EEA1: variants seen among roughly 807,000 people sequenced by gnomAD.
The protein encoded by EEA1 is early endosome antigen 1, 162kD.
EEA1 carries 111 observed loss-of-function variants against 209.2 expected under a neutral mutation model. The observed-to-expected ratio is 0.53, with a 90% CI of 0.45 to 0.62. The LOEUF (loss-of-function observed/expected upper bound fraction) is 0.62. EEA1 is among the 20% of genes least tolerant of loss of function. The pLI, the probability that EEA1 is intolerant of heterozygous loss-of-function variation, is 0.00. For synonymous variants in EEA1, 536 were observed against 540.6 expected (o/e 0.99, Z 0.12); for missense variants, 1,343 against 1,530.8 (o/e 0.88, Z 2.05).
intron 1 of EEA1, among the ~76,000 whole-genome samples, chr12:92,916,072 A>T (rs996763830): frequency 1.3e-5 from 2 of 152,216 alleles, no homozygotes; most frequent in Non-Finnish European, 2.9e-5. Flanking sequence ...GAATATAAGT[A>T]TTATTAAGTG....
At chr12:92,856,515 A>C (rs1877888229) in intron 5 of EEA1, among the ~76,000 whole-genome samples, 1 of 152,000 alleles carries the variant, frequency 6.6e-6, no homozygotes, top group Admixed American at 6.5e-5. Flanking sequence ...AAAACTTAAC[A>C]TTGTTAATAG....
Position 92,929,225 on chromosome 12 carries a change from T to G in EEA1, c.-159A>C. On this transcript the variant is annotated 5_prime_UTR_variant, in exon 1 of 29. Coordinates refer to ENST00000322349, the MANE Select transcript of EEA1 (RefSeq NM_003566.4). ...GACGGCCGCTCGGGCGGCCCCGACT[T>G]CCCCACAGGCGGCGAGAGGGAGCAC... is the stretch of plus-strand genomic sequence containing the variant. The G allele has an allele frequency of 2.0e-6, 1 of 498,454 alleles. No individual in the cohort carries two copies. Among genetic ancestry groups the G allele is most frequent in the Non-Finnish European group, 3.3e-6 (1 of 305,246 alleles). The allele number at this position is 498,454 out of a possible 1,614,324, so 30.9% of individuals were successfully genotyped here.
chr12:92,785,139 A>G lies in EEA1; in HGVS notation c.3150+2728T>C, dbSNP rs530410854. ...TATTTAATTCTAAATCTATTATCCT[A>G]GAATTTTCACTTCACTCAGGGTGTA... On this transcript the variant is annotated intron_variant, in intron 22 of 28. Transcript: ENST00000322349. Among the ~76,000 whole-genome samples, 39 of 152,266 alleles carry G rather than the reference A, an allele frequency of 2.6e-4. 1 individual carries two copies. In the Middle Eastern group the frequency reaches 0.02, roughly 80 times the overall value.
chr12:92,879,201 A>ATTTTTTTTTTTTTTTTTTTTT (rs34766702), intron 2 of EEA1: 2 of 234,004 alleles, frequency 8.5e-6, no homozygotes, highest in South Asian at 4.4e-5. Context: ...TGGATTCTGG[A>ATTTTTTTTTTTTTTTTTTTTT]TTTTTTTTTT....
intron 1 of EEA1, among the ~76,000 whole-genome samples, chr12:92,904,845 A>AT (rs1880304723): frequency 6.6e-6 from 1 of 152,224 alleles, no homozygotes; most frequent in African/African-American, 2.4e-5. Flanking sequence ...CCCTCCCAGC[A>AT]CATGAATGCA....
Position 92,828,586 on chromosome 12 carries a change from T to C in EEA1, c.1255-525A>G, listed in dbSNP as rs1411325721. The stretch of plus-strand genomic sequence containing the variant: ...AAATAAAATACAGGAAATGATCATA[T>C]ATATAGATATATATATGTGTACATA... On this transcript the variant is annotated intron_variant, in intron 11 of 28. Transcript: ENST00000322349. Among the ~76,000 whole-genome samples the C allele has an allele frequency of 6.8e-5, 10 of 147,610 alleles. 2 individuals carry two copies. In the South Asian group the frequency reaches 1.9e-3, roughly 28 times the overall value.
intron 9 of EEA1, among the ~76,000 whole-genome samples, chr12:92,848,576 T>C (rs1877475974): frequency 6.6e-5 from 10 of 152,018 alleles, no homozygotes; most frequent in Admixed American, 6.6e-4. Flanking sequence ...GAAATATAAA[T>C]TCATAAAACA....
intron 1 of EEA1, among the ~76,000 whole-genome samples, chr12:92,905,964 G>A (rs993310634): frequency 8.5e-5 from 13 of 152,188 alleles, no homozygotes; most frequent in African/African-American, 3.1e-4. Context: ...GAAGTGCAGT[G>A]GCACAATCAT....
intron 20 of EEA1, 88 bp from the exon 21 acceptor site, chr12:92,799,174 C>CTTCATTTG: frequency 8.5e-7 from 1 of 1,181,744 alleles, no homozygotes; most frequent in Non-Finnish European, 1.1e-6. Flanking sequence ...TCTATTTAGC[C>CTTCATTTG]TTCATTTGTT....
At chr12:92,803,347 A>G (rs892447736) in intron 18 of EEA1, among the ~76,000 whole-genome samples, 8 of 152,224 alleles carry the variant, frequency 5.3e-5, no homozygotes, top group South Asian at 2.1e-4. Context: ...TCTCTTATAC[A>G]TGAATGAAAA....
In EEA1 at chr12:92,809,012, C is replaced by T; in HGVS notation, c.2339+5G>A. On this transcript the variant is annotated splice_donor_5th_base_variant and intron_variant, in intron 18 of 28. Coordinates refer to ENST00000322349, the MANE Select transcript of EEA1 (RefSeq NM_003566.4). The stretch of plus-strand genomic sequence containing the variant: ...TTAATTTGTAAGTAAAGTGGTTTAG[C>T]TTACATTTCCTTCTCCATTTCAAGT... 1.3e-6 allele frequency: 2 copies of T among 1,584,180 alleles called. No individual in the cohort carries two copies. The highest frequency in any genetic ancestry group is 1.4e-5 in the African/African-American group (1 of 73,456).
chr12:92,779,726 A>G (rs1873822074), intron 24 of EEA1, among the ~76,000 whole-genome samples: 2 of 152,110 alleles, frequency 1.3e-5, no homozygotes, highest in South Asian at 4.1e-4. Flanking sequence ...TATAAACCAA[A>G]ATGAAAGTAT....
intron 1 of EEA1, among the ~76,000 whole-genome samples, chr12:92,923,845 C>CA (rs200069645): frequency 0.11 from 8,300 of 75,192 alleles, 276 homozygotes; most frequent in Middle Eastern, 0.2. Context: ...ACCTCATCTA[C>CA]AAAAAAAAAA....
intron 2 of EEA1, among the ~76,000 whole-genome samples, chr12:92,881,338 T>C (rs915337203): frequency 2.6e-5 from 4 of 151,928 alleles, no homozygotes; most frequent in African/African-American, 9.7e-5. Flanking sequence ...GAAGATCACT[T>C]GAGCCCGGGA....
chr12:92,847,829 G>T (rs992279345), intron 9 of EEA1, among the ~76,000 whole-genome samples: 4 of 152,000 alleles, frequency 2.6e-5, no homozygotes, highest in Admixed American at 1.3e-4. Context: ...ATACTTAATA[G>T]TTAACTTACA....
Position 92,809,953 on chromosome 12 carries a change from C to T in EEA1, c.2200-797G>A, listed in dbSNP as rs536964563. Among the ~76,000 whole-genome samples, 4 of 152,220 alleles carry T rather than the reference C, an allele frequency of 2.6e-5. No individual in the cohort carries two copies. The East Asian group carries it at 7.7e-4, about 29-fold the overall frequency. Reference sequence around the variant, plus strand: ...ACACCTATTGATCCTAAATATAAAGCCAATTAAGTTCCTGATTTTGCTTCT... The same window carrying T: ...ACACCTATTGATCCTAAATATAAAGTCAATTAAGTTCCTGATTTTGCTTCT... On this transcript the variant is annotated intron_variant, in intron 17 of 28. Coordinates refer to ENST00000322349, the MANE Select transcript of EEA1 (RefSeq NM_003566.4).
intron 2 of EEA1, among the ~76,000 whole-genome samples, chr12:92,867,335 G>T (rs148780099): frequency 1.3e-5 from 2 of 152,124 alleles, no homozygotes; most frequent in East Asian, 3.9e-4. Flanking sequence ...GTAATACACA[G>T]CATATTGGAT....
At chr12:92,846,927 G>A (rs1565833055) in intron 9 of EEA1, among the ~76,000 whole-genome samples, 16 of 152,032 alleles carry the variant, frequency 1.1e-4, no homozygotes. Flanking sequence ...AATTTTGTTT[G>A]AAATAAATGT....
rs1875542679 is a variant in EEA1 at position 92,812,031 on chromosome 12, T to A, written c.2044-597A>T. Among the ~76,000 whole-genome samples, 3 of 152,210 alleles carry A rather than the reference T, an allele frequency of 2.0e-5. No homozygotes were observed. The South Asian group carries it at 6.2e-4, about 32-fold the overall frequency. ...CTTGATATACTTCTGTATTGTTTTT[T>A]AAAAAATGGACCAATAAAGCCAGGT... On this transcript the variant is annotated intron_variant, in intron 16 of 28. Coordinates refer to ENST00000322349, the MANE Select transcript of EEA1 (RefSeq NM_003566.4).
Sources: allele counts gnomAD v4.1 joint callset (sites outside exome capture counted in the v4.1 genomes callset), GRCh38; gene constraint gnomAD v4.1.1; transcripts MANE v1.5; gene names NCBI Gene and HGNC (gene_info 2026-07-23, HGNC 2026-07-21).